TERT: variants seen among roughly 807,000 people sequenced by gnomAD.
TERT encodes telomerase catalytic subunit.
TERT carries 42 observed loss-of-function variants against 104.0 expected under a neutral mutation model. The ratio of observed to expected loss-of-function variants is 0.40; its 90% CI spans 0.32 to 0.52. The LOEUF is 0.52. Among genes scored for constraint, TERT ranks in the 20% least tolerant of loss-of-function variants. TERT has a pLI of 0.43. For missense variants in TERT, 1,101 were observed against 1,610.3 expected (o/e 0.68, Z 5.41); for synonymous variants, 781 against 725.6 (o/e 1.08, Z -1.23).
In TERT at chr5:1,262,010, TG is replaced by T. The variant is rs1482625744; in HGVS notation, c.2844-1411del. On this transcript the variant is annotated intron_variant, in intron 11 of 15. Transcript: ENST00000310581. This position sits in a 1 kb window ranked among gnomAD's most constrained non-coding sequence, Gnocchi z 5.6. ...CTCCAGGGAATGGCCATTTTCACTG[TG>T]GCTCAGGCAAGCTGAGTTTCTCTGC... Among the ~76,000 whole-genome samples the T allele has an allele frequency of 6.6e-6, 1 of 152,196 alleles. No homozygotes were observed. Among genetic ancestry groups the T allele is most frequent in the Non-Finnish European group, 1.5e-5 (1 of 68,028 alleles).
chr5:1,264,513 C>T lies in TERT; in HGVS notation c.2734G>A (p.Glu912Lys), dbSNP rs746883330. ...KTVVNFPVED[E>K]ALGGTAFVQM... ...ACAAAAGCCGTGCCACCCAGGGCCT[C>T]GTCTTCTACAGGGAAGTTCACCACT... Residue 912 changes from glutamate (E) to lysine (K), a missense_variant, in exon 11 of 16, where the codon GAG (glutamate) becomes AAG (lysine). Physicochemically the swap from Glu to Lys is moderately conservative, Grantham distance 56. Transcript: ENST00000310581. 4 of 1,613,994 alleles carry T rather than the reference C, an allele frequency of 2.5e-6. No homozygotes were observed. Among genetic ancestry groups the T allele is most frequent in the Admixed American group, 1.7e-5 (1 of 60,028 alleles).
In TERT at chr5:1,269,763, C is replaced by A. The variant is rs1380025095; in HGVS notation, c.2469-1130G>T. Reference sequence around the variant, plus strand: ...CAGCGAGTCAACGCAAGCAGATACGCCCCTGTGAGCACATGGGATGGGAAA... The same window carrying A: ...CAGCGAGTCAACGCAAGCAGATACGACCCTGTGAGCACATGGGATGGGAAA... On this transcript the variant is annotated intron_variant, in intron 8 of 15. Transcript: ENST00000310581. This position sits in a 1 kb window ranked among gnomAD's most constrained non-coding sequence, Gnocchi z 9.0. 6.6e-6 allele frequency among the ~76,000 whole-genome samples: 1 copy of A among 152,186 alleles called. No individual in the cohort carries two copies. The highest frequency in any genetic ancestry group is 1.5e-5 in the Non-Finnish European group (1 of 68,038).
At position 1,292,841 on chromosome 5, in the gene TERT, A is replaced by T. The variant is rs1434183366; in HGVS notation, c.1573+472T>A. Among the ~76,000 whole-genome samples, 3 of 152,136 alleles carry T rather than the reference A, an allele frequency of 2.0e-5. No homozygotes were observed. Among genetic ancestry groups the T allele is most frequent in the Non-Finnish European group, 4.4e-5 (3 of 68,018 alleles). On this transcript the variant is annotated intron_variant, in intron 2 of 15. Transcript: ENST00000310581. This position sits in a 1 kb window ranked among gnomAD's most constrained non-coding sequence, Gnocchi z 5.5. ...AACACACAATTAAATCTTAAACACA[A>T]ACCTGCATATTGGCTGACCACGTGC...
At chr5:1,253,862 A>T in intron 15 of TERT, 31 bp from the exon 16 acceptor site, 1 of 1,590,062 alleles carries the variant, frequency 6.3e-7, no homozygotes. Context: ...TCCGTTCCAG[A>T]AGAGGCCAGA....
Position 1,255,488 on chromosome 5 carries a change from C to T in TERT, c.3033-77G>A, listed in dbSNP as rs1000413168. ...CTCGTGGGTGTGGGCATGGGCCCACCGGTGCCTGTGTGCGTGCATGAATGC... is the reference window on the plus strand; with the variant it reads ...CTCGTGGGTGTGGGCATGGGCCCACTGGTGCCTGTGTGCGTGCATGAATGC... On this transcript the variant is annotated intron_variant, in intron 13 of 15. Coordinates refer to ENST00000310581, the MANE Select transcript of TERT (RefSeq NM_198253.3). The surrounding 1 kb of genome is among the most constrained non-coding windows in gnomAD (Gnocchi z 6.9). The T allele has an allele frequency of 2.4e-5, 38 of 1,588,230 alleles. No individual in the cohort carries two copies. The highest frequency in any genetic ancestry group is 4.5e-5 in the East Asian group (2 of 44,698).
intron 2 of TERT, among the ~76,000 whole-genome samples, chr5:1,285,890 A>G (rs1369013508): frequency 6.6e-6 from 1 of 151,726 alleles, no homozygotes; most frequent in East Asian, 1.9e-4. Context: ...AATTATCCAC[A>G]TGGCTCACGT....
rs1281674869 is a variant in TERT at position 1,286,329 on chromosome 5, C to T, written c.1574-3705G>A. ...ACCACGCAAAGGACAAGGAAGGGGACCCCAGACGGCGGGCCTGAGACAGAA... is the reference window on the plus strand; with the variant it reads ...ACCACGCAAAGGACAAGGAAGGGGATCCCAGACGGCGGGCCTGAGACAGAA... On this transcript the variant is annotated intron_variant, in intron 2 of 15. Coordinates refer to ENST00000310581, the MANE Select transcript of TERT (RefSeq NM_198253.3). This position sits in a 1 kb window ranked among gnomAD's most constrained non-coding sequence, Gnocchi z 5.3. 1.3e-5 allele frequency among the ~76,000 whole-genome samples: 2 copies of T among 152,138 alleles called. No homozygotes were observed. The highest frequency in any genetic ancestry group is 2.9e-5 in the Non-Finnish European group (2 of 68,014).
rs539648836 is a variant in TERT at position 1,286,336 on chromosome 5, C to T, written c.1574-3712G>A. 3.9e-5 allele frequency among the ~76,000 whole-genome samples: 6 copies of T among 152,306 alleles called. No individual in the cohort carries two copies. The highest frequency in any genetic ancestry group is 2.1e-4 in the South Asian group (1 of 4,828). On this transcript the variant is annotated intron_variant, in intron 2 of 15. Transcript: ENST00000310581. The surrounding 1 kb of genome is among the most constrained non-coding windows in gnomAD (Gnocchi z 5.3). Reference sequence around the variant, plus strand: ...AAAGGACAAGGAAGGGGACCCCAGACGGCGGGCCTGAGACAGAAGACAGAC... The same window carrying T: ...AAAGGACAAGGAAGGGGACCCCAGATGGCGGGCCTGAGACAGAAGACAGAC...
chr5:1,264,303 C>G, intron 11 of TERT, 101 bp downstream of exon 11: 1 of 1,307,878 alleles, frequency 7.6e-7, no homozygotes, highest in Non-Finnish European at 1.1e-6. Context: ...TTGGGATTGG[C>G]AGTCGCCTGC....
rs1031682913 is a variant in TERT, at chr5:1,292,364, C to T, written c.1573+949G>A. Among the ~76,000 whole-genome samples, 3 of 152,116 alleles carry T rather than the reference C, an allele frequency of 2.0e-5. No individual in the cohort carries two copies. The highest frequency in any genetic ancestry group is 2.9e-5 in the Non-Finnish European group (2 of 68,020). On this transcript the variant is annotated intron_variant, in intron 2 of 15. Transcript: ENST00000310581. The surrounding 1 kb of genome is among the most constrained non-coding windows in gnomAD (Gnocchi z 5.5). ...CCCAGCAGCACCATCCCCTGAACAC[C>T]CACAAACACTGTCCCTTCCTCAGCA... is the stretch of plus-strand genomic sequence containing the variant.
At chr5:1,285,243 C>T (rs1348970908) in intron 2 of TERT, among the ~76,000 whole-genome samples, 8 of 149,962 alleles carry the variant, frequency 5.3e-5, no homozygotes, top group South Asian at 2.2e-4. Context: ...CAGGGCCTGG[C>T]GACCTCATCC....
intron 6 of TERT, among the ~76,000 whole-genome samples, chr5:1,275,989 A>C (rs112606153): frequency 1.8e-4 from 25 of 136,736 alleles, no homozygotes; most frequent in African/African-American, 7.3e-4. Flanking sequence ...ATAAAAACCA[A>C]CTCCACAGAT....
At chr5:1,260,939 G>C (rs1748190007) in intron 11 of TERT, among the ~76,000 whole-genome samples, 1 of 152,224 alleles carries the variant, frequency 6.6e-6, no homozygotes, top group Non-Finnish European at 1.5e-5. Context: ...TGGCTCCCGG[G>C]CGTCCCTCGA....
At position 1,261,027 on chromosome 5, in the gene TERT, C is replaced by G. The variant is rs890714956; in HGVS notation, c.2844-427G>C. 2.0e-5 allele frequency among the ~76,000 whole-genome samples: 3 copies of G among 152,170 alleles called. No individual in the cohort carries two copies. Among genetic ancestry groups the G allele is most frequent in the African/African-American group, 7.2e-5 (3 of 41,428 alleles). On this transcript the variant is annotated intron_variant, in intron 11 of 15. Transcript: ENST00000310581. This position sits in a 1 kb window ranked among gnomAD's most constrained non-coding sequence, Gnocchi z 7.4. ...GGGGAATCTCACTGTGTTTGAATCTCAGGGATGGAAGAGCCAGGTGGCACC... is the reference window on the plus strand; with the variant it reads ...GGGGAATCTCACTGTGTTTGAATCTGAGGGATGGAAGAGCCAGGTGGCACC...
At position 1,255,398 on chromosome 5, in the gene TERT, C is replaced by T. The variant is rs1747649747; in HGVS notation, c.3046G>A (p.Val1016Met). The T allele has an allele frequency of 6.2e-7, 1 of 1,614,242 alleles. No homozygotes were observed. The highest frequency in any genetic ancestry group is 8.5e-7 in the Non-Finnish European group (1 of 1,180,042). ...TGCTGATGAAATGGGAGCTGCAGCA[C>T]ACATGCGTGAAACCTGAGAGGATGG... ...LLQAYRFHAC[V>M]LQLPFHQQVW... Residue 1016 changes from valine (V) to methionine (M), a missense_variant, in exon 14 of 16, where the codon GTG becomes ATG. This residue lies in a region of TERT where 463 missense variants were observed against 797.5 expected (regional missense o/e 0.58). Coordinates refer to ENST00000310581, the MANE Select transcript of TERT (RefSeq NM_198253.3). The surrounding 1 kb of genome is among the most constrained non-coding windows in gnomAD (Gnocchi z 6.9).
rs892197226 is a variant in TERT at position 1,286,519 on chromosome 5, G to C, written c.1574-3895C>G. ...GCACACAGGCTGGGGGGTGGCCAGA[G>C]CTAAAATACACTAAGGGTCTTATTG... On this transcript the variant is annotated intron_variant, in intron 2 of 15. Transcript: ENST00000310581. The surrounding 1 kb of genome is among the most constrained non-coding windows in gnomAD (Gnocchi z 5.3). Among the ~76,000 whole-genome samples, 1 of 152,186 alleles carries C rather than the reference G, an allele frequency of 6.6e-6. No individual in the cohort carries two copies. The highest frequency in any genetic ancestry group is 1.9e-4 in the East Asian group (1 of 5,194).
chr5:1,274,352 A>G lies in TERT; in HGVS notation c.2287-2072T>C, dbSNP rs560421181. Among the ~76,000 whole-genome samples the G allele has an allele frequency of 1.3e-5, 2 of 152,326 alleles. No homozygotes were observed. The highest frequency in any genetic ancestry group is 2.1e-4 in the South Asian group (1 of 4,828). ...GGCGGAAAGCATCACAGAAATCCGT[A>G]ATTATTCTGGACTCAACACAGAAAA... On this transcript the variant is annotated intron_variant, in intron 6 of 15. Coordinates refer to ENST00000310581, the MANE Select transcript of TERT (RefSeq NM_198253.3). This position sits in a 1 kb window ranked among gnomAD's most constrained non-coding sequence, Gnocchi z 5.3.
intron 4 of TERT, 86 bp from the exon 5 acceptor site, chr5:1,279,556 C>T: frequency 7.2e-7 from 1 of 1,386,852 alleles, no homozygotes; most frequent in Non-Finnish European, 1.0e-6. Flanking sequence ...GAGAAGCAGC[C>T]CCTCCCCAGT....
chr5:1,269,464 G>C lies in TERT; in HGVS notation c.2469-831C>G, dbSNP rs2126609756. Among the ~76,000 whole-genome samples the C allele has an allele frequency of 6.6e-6, 1 of 152,166 alleles. No homozygotes were observed. The highest frequency in any genetic ancestry group is 2.1e-4 in the South Asian group (1 of 4,828). ...CTCTCTACTAAAAATACAAAAATTA[G>C]CCAGGCGCAGGGGGTGGGTGCCTGT... is the stretch of plus-strand genomic sequence containing the variant. On this transcript the variant is annotated intron_variant, in intron 8 of 15. Coordinates refer to ENST00000310581, the MANE Select transcript of TERT (RefSeq NM_198253.3). This position sits in a 1 kb window ranked among gnomAD's most constrained non-coding sequence, Gnocchi z 9.0.
Sources: gnomAD v4.1 joint callset for allele counts (sites outside exome capture counted in the v4.1 genomes callset) on GRCh38, gnomAD v4.1.1 for gene constraint, gnomAD v4.1.1 regional missense constraint, Gnocchi (gnomAD v3.1) non-coding constraint, MANE v1.5 for transcripts, NCBI Gene and HGNC (gene_info 2026-07-23, HGNC 2026-07-21) for gene names.